The following IFT80 variants were observed in gnomAD, a reference collection of about 807,000 sequenced individuals.
IFT80 encodes the protein intraflagellar transport protein 80 homolog.
Under a neutral mutation model 107.9 loss-of-function variants are expected in IFT80, and 79 were observed. That is an observed-to-expected ratio of 0.73 (90% confidence interval 0.61 to 0.88). The LOEUF is 0.88. Ranked by LOEUF, IFT80 falls within the 40% of genes least tolerant of loss-of-function variation. The pLI, the probability that IFT80 is intolerant of heterozygous loss-of-function variation, is 0.00. For synonymous variants in IFT80, 299 were observed against 300.9 expected, an observed-to-expected ratio of 0.99 and a Z score of 0.07; for missense variants, 797 against 914.2, an observed-to-expected ratio of 0.87 and a Z score of 1.65.
chr3:160,333,854 T>C (rs1719264331), intron 8 of IFT80, among the ~76,000 whole-genome samples: 1 of 152,204 alleles, frequency 6.6e-6, no homozygotes, highest in South Asian at 2.1e-4. Flanking sequence ...AACACAGTCA[T>C]CTATTATCAC....
At chr3:160,281,144 G>A (rs989505345) in intron 14 of IFT80, among the ~76,000 whole-genome samples, 27 of 152,052 alleles carry the variant, frequency 1.8e-4, no homozygotes, top group Non-Finnish European at 3.1e-4. Context: ...GAGGAATACC[G>A]TCCCCTCAAT....
At chr3:160,384,372 T>A in intron 2 of IFT80, 192 bp downstream of exon 2, 1 of 1,220,256 alleles carries the variant, frequency 8.2e-7, no homozygotes, top group Non-Finnish European at 1.0e-6. Flanking sequence ...AAATAAGATT[T>A]ATAGCAAACG....
intron 8 of IFT80, 138 bp downstream of exon 8, chr3:160,355,875 G>A (rs1382379454): frequency 2.9e-6 from 3 of 1,033,686 alleles, no homozygotes; most frequent in Non-Finnish European, 4.5e-6. Context: ...GATTGAACCA[G>A]CATATTAAGA....
intron 8 of IFT80, among the ~76,000 whole-genome samples, chr3:160,338,509 G>A (rs1029968322): frequency 8.5e-5 from 13 of 152,082 alleles, no homozygotes; most frequent in Non-Finnish European, 1.6e-4. Flanking sequence ...GTATGTGCCT[G>A]TATTCCCAGC....
At chr3:160,321,077 T>C (rs529818807) in intron 8 of IFT80, among the ~76,000 whole-genome samples, 8 of 151,990 alleles carry the variant, frequency 5.3e-5, no homozygotes, top group African/African-American at 1.7e-4. Flanking sequence ...AAGGAGAAGA[T>C]AATGAACAAA....
chr3:160,357,620 G>C, intron 6 of IFT80, 42 bp from the exon 7 acceptor site: 2 of 1,339,946 alleles, frequency 1.5e-6, no homozygotes, highest in Non-Finnish European at 2.1e-6. Context: ...AAGTTTAAAA[G>C]CACTTAAGTT....
intron 12 of IFT80, among the ~76,000 whole-genome samples, chr3:160,293,965 CCT>C (rs1337080340): frequency 1.3e-5 from 2 of 152,158 alleles, no homozygotes; most frequent in Admixed American, 6.5e-5. Flanking sequence ...GGTGATGTAC[CCT>C]GATTCCATGA....
At chr3:160,349,285 T>TA (rs1263531155) in intron 8 of IFT80, among the ~76,000 whole-genome samples, 1 of 151,770 alleles carries the variant, frequency 6.6e-6, no homozygotes, top group African/African-American at 2.4e-5. Context: ...CCGTCTCTAA[T>TA]AAAAAATGCA....
intron 19 of IFT80, among the ~76,000 whole-genome samples, chr3:160,267,938 T>C (rs559752573): frequency 6.6e-6 from 1 of 152,254 alleles, no homozygotes; most frequent in South Asian, 2.1e-4. Flanking sequence ...GGCTGAGTCT[T>C]CTTTGGTTCT....
chr3:160,338,512 T>G (rs1358708723), intron 8 of IFT80, among the ~76,000 whole-genome samples: 5 of 152,000 alleles, frequency 3.3e-5, no homozygotes, highest in Non-Finnish European at 7.4e-5. Flanking sequence ...TGTGCCTGTA[T>G]TCCCAGCTAC....
intron 6 of IFT80, among the ~76,000 whole-genome samples, chr3:160,358,849 T>A (rs1325124401): frequency 6.6e-6 from 1 of 152,236 alleles, no homozygotes; most frequent in Non-Finnish European, 1.5e-5. Context: ...TAAAATTCCT[T>A]TGAACAAGAA....
chr3:160,276,889 A>G (rs1714309341), intron 18 of IFT80, among the ~76,000 whole-genome samples: 1 of 152,064 alleles, frequency 6.6e-6, no homozygotes, highest in Non-Finnish European at 1.5e-5. Flanking sequence ...ACTACTATCC[A>G]TTTGCTAATG....
chr3:160,308,003 A>G (rs1716952738), intron 9 of IFT80, among the ~76,000 whole-genome samples: 1 of 152,178 alleles, frequency 6.6e-6, no homozygotes, highest in African/African-American at 2.4e-5. Context: ...ATAAGAAGAA[A>G]AAGACCTACT....
rs552228241 is a variant in IFT80, at chr3:160,257,271, G to C, written c.*1254C>G. 6.6e-6 allele frequency: 1 copy of C among 152,010 alleles called. No homozygotes were observed. The highest frequency in any genetic ancestry group is 1.5e-5 in the Non-Finnish European group (1 of 67,992). The allele number at this position is 152,010 out of a possible 1,614,324, so 9.4% of individuals were successfully genotyped here. A position where few individuals can be genotyped will look rare whatever the true frequency, so the allele number is the denominator to read the frequency against. On this transcript the variant is annotated 3_prime_UTR_variant, in exon 20 of 20. Coordinates refer to ENST00000326448, the MANE Select transcript of IFT80 (RefSeq NM_020800.3). The stretch of plus-strand genomic sequence containing the variant: ...AGTAATTAAAATGGGGGTTAAGAGA[G>C]GTAATCTCTCTATCCCTTTGTGTGT...
chr3:160,260,636 T>A (rs897468474), intron 19 of IFT80, among the ~76,000 whole-genome samples: 3 of 152,192 alleles, frequency 2.0e-5, no homozygotes, highest in African/African-American at 4.8e-5. Flanking sequence ...TACAGATAAT[T>A]TAGTTCGTGG....
intron 12 of IFT80, among the ~76,000 whole-genome samples, chr3:160,287,156 G>A (rs1033138924): frequency 6.6e-6 from 1 of 152,156 alleles, no homozygotes; most frequent in African/African-American, 2.4e-5. Flanking sequence ...GAGCTGGGAA[G>A]GTGATGTGTC....
chr3:160,361,799 G>A (rs1382287212), intron 6 of IFT80, among the ~76,000 whole-genome samples: 1 of 152,122 alleles, frequency 6.6e-6, no homozygotes, highest in East Asian at 1.9e-4. Flanking sequence ...CGAAATGAAG[G>A]CAGAAATAAA....
intron 2 of IFT80, among the ~76,000 whole-genome samples, chr3:160,382,871 G>T (rs2108406207): frequency 6.6e-6 from 1 of 152,104 alleles, no homozygotes; most frequent in East Asian, 1.9e-4. Flanking sequence ...GATAAAGAGA[G>T]ATTATAGAAA....
At chr3:160,360,024 A>G (rs1721379540) in intron 6 of IFT80, among the ~76,000 whole-genome samples, 1 of 152,256 alleles carries the variant, frequency 6.6e-6, no homozygotes. Context: ...TGACATAACT[A>G]GGCTTCAGAA....
Sources: gnomAD v4.1 joint callset for allele counts (sites outside exome capture counted in the v4.1 genomes callset) on GRCh38, gnomAD v4.1.1 for gene constraint, MANE v1.5 for transcripts, NCBI Gene and HGNC (gene_info 2026-07-23, HGNC 2026-07-21) for gene names.